SLCO3A1: variants seen among roughly 807,000 people sequenced by gnomAD.
SLCO3A1 encodes the protein PGE1 transporter.
In SLCO3A1, 27 loss-of-function variants were observed where a neutral mutation model predicts 63.1. That is an observed-to-expected ratio of 0.43 (90% CI 0.32 to 0.59). The LOEUF is 0.59. SLCO3A1 is among the 20% of genes least tolerant of loss of function. The probability of loss-of-function intolerance (pLI) is 0.09; values close to 1 mark genes in which losing one functional copy is unlikely to be tolerated. For synonymous variants in SLCO3A1, 473 were observed against 409.9 expected (o/e 1.15, Z -1.86); for missense variants, 773 against 945.8 (o/e 0.82, Z 2.40).
At position 92,033,512 on chromosome 15, in the gene SLCO3A1, G is replaced by C. The variant is rs1404310095; in HGVS notation, c.647-61369G>C. Among the ~76,000 whole-genome samples the C allele has an allele frequency of 6.6e-6, 1 of 152,170 alleles. No homozygotes were observed. Among genetic ancestry groups the C allele is most frequent in the Non-Finnish European group, 1.5e-5 (1 of 68,040 alleles). Reference sequence around the variant, plus strand: ...CGAGACGGTGGGCAAAGGAGAACGAGGGAGGAGCAGAGGGTGACTTCCAGC... The same window carrying C: ...CGAGACGGTGGGCAAAGGAGAACGACGGAGGAGCAGAGGGTGACTTCCAGC... On this transcript the variant is annotated intron_variant, in intron 2 of 9. Transcript: ENST00000318445. The surrounding 1 kb of genome is among the most constrained non-coding windows in gnomAD (Gnocchi z 4.5).
intron 2 of SLCO3A1, among the ~76,000 whole-genome samples, chr15:92,005,574 T>A (rs1193774773): frequency 2.0e-5 from 3 of 152,228 alleles, no homozygotes; most frequent in African/African-American, 7.2e-5. Context: ...CTCAAGCACC[T>A]GCCTGTGCTT....
chr15:91,916,115 A>C lies in SLCO3A1; in HGVS notation c.303A>C (p.Ala101=), dbSNP rs1300879974. The C allele has an allele frequency of 1.2e-6, 2 of 1,611,564 alleles. No homozygotes were observed. The highest frequency in any genetic ancestry group is 1.7e-4 in the Middle Eastern group (1 of 6,058). Residue 101 remains alanine, a synonymous_variant, in exon 2 of 10, where the codon GCA becomes GCC. Coordinates refer to ENST00000318445, the MANE Select transcript of SLCO3A1 (RefSeq NM_013272.4). The surrounding 1 kb of genome is among the most constrained non-coding windows in gnomAD (Gnocchi z 6.2). ...TCCTCTTCGTGAGCTACTTCGGGGC[A>C]CGCGGGCACCGGCCGCGCCTGATCG... ...ALILFVSYFG[A]RGHRPRLIGC...
At chr15:92,026,112 A>G (rs1424762753) in intron 2 of SLCO3A1, among the ~76,000 whole-genome samples, 1 of 152,148 alleles carries the variant, frequency 6.6e-6, no homozygotes, top group Non-Finnish European at 1.5e-5. Context: ...GCCCGTGTCC[A>G]TGCCCTTGTC....
intron 2 of SLCO3A1, among the ~76,000 whole-genome samples, chr15:91,990,473 G>T (rs79777452): frequency 6.6e-6 from 1 of 151,906 alleles, no homozygotes; most frequent in Non-Finnish European, 1.5e-5. Context: ...TCCTGAACTG[G>T]TTTCATTTCA....
chr15:91,934,613 A>T (rs778412552), intron 2 of SLCO3A1, among the ~76,000 whole-genome samples: 6 of 152,216 alleles, frequency 3.9e-5, no homozygotes, highest in Non-Finnish European at 7.3e-5. Context: ...TTTGAAGACC[A>T]CCTTTAACAA....
intron 2 of SLCO3A1, among the ~76,000 whole-genome samples, chr15:91,978,581 C>G (rs1467319498): frequency 6.6e-6 from 1 of 152,172 alleles, no homozygotes; most frequent in Non-Finnish European, 1.5e-5. Context: ...TACTTTTTTC[C>G]CCCCTCAGTG....
At chr15:91,891,225 A>G (rs1262057412) in intron 1 of SLCO3A1, among the ~76,000 whole-genome samples, 1 of 152,120 alleles carries the variant, frequency 6.6e-6, no homozygotes, top group African/African-American at 2.4e-5. Flanking sequence ...AATCAGCCAC[A>G]GGTACCGTAG....
At chr15:92,115,723 T>C (rs536570207) in intron 4 of SLCO3A1, among the ~76,000 whole-genome samples, 2 of 149,656 alleles carry the variant, frequency 1.3e-5, no homozygotes, top group Non-Finnish European at 3.0e-5. Flanking sequence ...GCAAAACCTT[T>C]TCTACAGTAC....
At chr15:92,073,475 T>C (rs979209288) in intron 2 of SLCO3A1, among the ~76,000 whole-genome samples, 2 of 152,228 alleles carry the variant, frequency 1.3e-5, no homozygotes, top group African/African-American at 4.8e-5. Flanking sequence ...CAGGTTTTCA[T>C]CTTTTCCTTT....
At position 92,163,364 on chromosome 15, in the gene SLCO3A1, T is replaced by C. The variant is rs8174; in HGVS notation, c.*229T>C. On this transcript the variant is annotated 3_prime_UTR_variant, in exon 10 of 10. Coordinates refer to ENST00000318445, the MANE Select transcript of SLCO3A1 (RefSeq NM_013272.4). ...GTGCGGCAGGGTCCTGGAGGCCACT[T>C]GCGCGGCTGGGCCACAGAGTCTACT... 0.62 allele frequency: 730,250 copies of C among 1,168,436 alleles called. 230,742 individuals are homozygous for C. The highest frequency in any genetic ancestry group is 0.74 in the Middle Eastern group (2,166 of 2,926). The allele number at this position is 1,168,436 out of a possible 1,614,324, so 72.4% of individuals were successfully genotyped here.
At chr15:92,080,324 GT>G (rs1281566167) in intron 2 of SLCO3A1, among the ~76,000 whole-genome samples, 1 of 151,240 alleles carries the variant, frequency 6.6e-6, no homozygotes, top group African/African-American at 2.4e-5. Flanking sequence ...TGATTTTTGT[GT>G]TTTTTTAAAC....
chr15:92,056,926 G>A (rs2047028632), intron 2 of SLCO3A1, among the ~76,000 whole-genome samples: 1 of 152,178 alleles, frequency 6.6e-6, no homozygotes, highest in Non-Finnish European at 1.5e-5. Context: ...TCTTTACTGT[G>A]TTACCCAGTT....
chr15:91,863,481 G>T lies in SLCO3A1; in HGVS notation c.180+9393G>T, dbSNP rs535685406. Among the ~76,000 whole-genome samples the T allele has an allele frequency of 6.6e-6, 1 of 152,224 alleles. No homozygotes were observed. Among genetic ancestry groups the T allele is most frequent in the Non-Finnish European group, 1.5e-5 (1 of 68,040 alleles). On this transcript the variant is annotated intron_variant, in intron 1 of 9. Transcript: ENST00000318445. This position sits in a 1 kb window ranked among gnomAD's most constrained non-coding sequence, Gnocchi z 4.3. ...CATCCTTTGGCCGTTTCATTTCTCA[G>T]AGTGCTGCTGTGATAGCACTTGGAA... is the stretch of plus-strand genomic sequence containing the variant.
intron 2 of SLCO3A1, 57 bp from the exon 3 acceptor site, chr15:92,094,824 T>C (rs949962889): frequency 2.7e-6 from 3 of 1,093,350 alleles, no homozygotes; most frequent in African/African-American, 3.1e-5. Flanking sequence ...CTTTGGTGAT[T>C]TTGCTCATCG....
Position 91,860,611 on chromosome 15 carries a change from T to C in SLCO3A1, c.180+6523T>C, listed in dbSNP as rs1897024934. Among the ~76,000 whole-genome samples, 1 of 152,244 alleles carries C rather than the reference T, an allele frequency of 6.6e-6. No individual in the cohort carries two copies. Among genetic ancestry groups the C allele is most frequent in the African/African-American group, 2.4e-5 (1 of 41,462 alleles). On this transcript the variant is annotated intron_variant, in intron 1 of 9. Transcript: ENST00000318445. The surrounding 1 kb of genome is among the most constrained non-coding windows in gnomAD (Gnocchi z 5.5). Reference sequence around the variant, plus strand: ...CTGGGCTCCTGAAGCTTGCTCTGCTTCACTGGCTGAAAGGCTGAGTGACCA... The same window carrying C: ...CTGGGCTCCTGAAGCTTGCTCTGCTCCACTGGCTGAAAGGCTGAGTGACCA...
intron 1 of SLCO3A1, among the ~76,000 whole-genome samples, chr15:91,890,232 T>G (rs1897836776): frequency 6.6e-6 from 1 of 152,228 alleles, no homozygotes. Context: ...CTGTCATGAT[T>G]CTGCAATTAA....
intron 2 of SLCO3A1, among the ~76,000 whole-genome samples, chr15:92,012,100 G>A (rs775552802): frequency 6.6e-5 from 10 of 152,194 alleles, no homozygotes; most frequent in Non-Finnish European, 1.0e-4. Context: ...GCAGAGCCTC[G>A]GGCAGCAATG....
At chr15:91,889,041 A>T (rs1597092850) in intron 1 of SLCO3A1, 1 of 746,612 alleles carries the variant, frequency 1.3e-6, no homozygotes, top group East Asian at 9.0e-5. Flanking sequence ...ACCAAAAAAA[A>T]AAAACCTACA....
chr15:92,163,189 TAAAAA>T lies in SLCO3A1; in HGVS notation c.*57_*61del, dbSNP rs1038247506. On this transcript the variant is annotated 3_prime_UTR_variant, in exon 10 of 10. Transcript: ENST00000318445. ...AGTAATCCAAGGGTCATTTTTTTCT[TAAAAA>T]AAGAAAAAAAGGTTCCAAAAAAAAC... The T allele has an allele frequency of 3.5e-6, 5 of 1,413,990 alleles. No homozygotes were observed. Among genetic ancestry groups the T allele is most frequent in the African/African-American group, 1.5e-5 (1 of 68,030 alleles). 87.6% of individuals were successfully genotyped at this position (1,413,990 alleles called of 1,614,324 possible).
Sources: allele counts gnomAD v4.1 joint callset (sites outside exome capture counted in the v4.1 genomes callset), GRCh38; gene constraint gnomAD v4.1.1; non-coding constraint Gnocchi (gnomAD v3.1); transcripts MANE v1.5; gene names NCBI Gene and HGNC (gene_info 2026-07-23, HGNC 2026-07-21).